Variants in OTOF observed in about 807,000 individuals in gnomAD.
The protein encoded by OTOF is fer-1-like family member 2.
OTOF carries 218 observed loss-of-function variants against 236.8 expected under a neutral mutation model. The ratio of observed to expected loss-of-function variants is 0.92; its 90% CI spans 0.82 to 1.03. The LOEUF is 1.03. Ranked by LOEUF, OTOF falls within the 50% of genes least tolerant of loss-of-function variation. The pLI, the probability that OTOF is intolerant of heterozygous loss-of-function variation, is 0.00. For missense variants in OTOF, 2,590 were observed against 2,694.4 expected (o/e 0.96, Z 0.86); for synonymous variants, 1,041 against 1,072.5 (o/e 0.97, Z 0.57).
intron 15 of OTOF, 126 bp downstream of exon 15, chr2:26,480,660 T>C: frequency 1.3e-6 from 1 of 789,408 alleles, no homozygotes; most frequent in Non-Finnish European, 2.1e-6. Flanking sequence ...GGGAGAAGCC[T>C]TATCCTGAGG....
chr2:26,468,159 C>T (rs1664822067), intron 33 of OTOF, among the ~76,000 whole-genome samples: 2 of 152,200 alleles, frequency 1.3e-5, no homozygotes, highest in African/African-American at 4.8e-5. Flanking sequence ...TCCCTTCTAG[C>T]TCTGATGTTC....
chr2:26,480,795 G>C lies in OTOF; in HGVS notation c.1794C>G (p.Pro598=). The C allele has an allele frequency of 6.2e-7, 1 of 1,612,052 alleles. No individual in the cohort carries two copies. The highest frequency in any genetic ancestry group is 8.5e-7 in the Non-Finnish European group (1 of 1,179,684). ...STEVQVEQAT[P]ISESCAGKME... ...GTGCCTGGGGTCTCACCTCCGAGAT[G>C]GGCGTGGCCTGCTCCACCTGCACCT... Residue 598 remains proline, a synonymous_variant, in exon 15 of 47, where the codon CCC becomes CCG. Coordinates refer to ENST00000272371, the MANE Select transcript of OTOF (RefSeq NM_194248.3).
intron 46 of OTOF, 119 bp from the exon 47 acceptor site, chr2:26,458,339 G>C: frequency 9.7e-7 from 1 of 1,028,268 alleles, no homozygotes; most frequent in Non-Finnish European, 1.5e-6. Context: ...CCCAAAAGCA[G>C]TGAATGCTGG....
chr2:26,496,164 A>G (rs1427409292), intron 8 of OTOF, among the ~76,000 whole-genome samples: 1 of 151,816 alleles, frequency 6.6e-6, no homozygotes, highest in African/African-American at 2.4e-5. Flanking sequence ...TTTCCTGGAA[A>G]CCTGCTGGAG....
chr2:26,507,499 G>C (rs1262165941), intron 5 of OTOF, among the ~76,000 whole-genome samples: 2 of 152,252 alleles, frequency 1.3e-5, no homozygotes, highest in African/African-American at 4.8e-5. Flanking sequence ...GAAAGACTTA[G>C]ATTTCAAAAA....
intron 1 of OTOF, among the ~76,000 whole-genome samples, chr2:26,557,443 GC>G (rs1467855359): frequency 1.3e-5 from 2 of 152,112 alleles, no homozygotes; most frequent in African/African-American, 4.8e-5. Flanking sequence ...AGTCAGCCTG[GC>G]CCTGCCTTTC....
rs1299455950 is a variant in OTOF, at chr2:26,470,761, C to T, written c.3895-40G>A. The T allele has an allele frequency of 1.9e-6, 3 of 1,605,482 alleles. No individual in the cohort carries two copies. Among genetic ancestry groups the T allele is most frequent in the Non-Finnish European group, 2.5e-6 (3 of 1,178,226 alleles). On this transcript the variant is annotated intron_variant, in intron 31 of 46. Coordinates refer to ENST00000272371, the MANE Select transcript of OTOF (RefSeq NM_194248.3). This position sits in a 1 kb window ranked among gnomAD's most constrained non-coding sequence, Gnocchi z 4.3. ...GGTCCAGAGTCCTACATGGACTCCT[C>T]CTGCCTGGACAATCCCGAGAGCCTC...
rs754998217 is a variant in OTOF, at chr2:26,503,758, G to A, written c.583+14C>T. On this transcript the variant is annotated intron_variant, in intron 6 of 46. Coordinates refer to ENST00000272371, the MANE Select transcript of OTOF (RefSeq NM_194248.3). ...AGGCGCGGGGCTGCGGGGCTCACGC[G>A]GCACCTGTCCTACCTGGTCTTTGGG... The A allele has an allele frequency of 8.7e-6, 14 of 1,611,410 alleles. No homozygotes were observed. Among genetic ancestry groups the A allele is most frequent in the Middle Eastern group, 1.7e-4 (1 of 6,026 alleles).
intron 11 of OTOF, among the ~76,000 whole-genome samples, chr2:26,487,043 C>T (rs986390487): frequency 3.9e-5 from 6 of 152,178 alleles, no homozygotes; most frequent in African/African-American, 1.4e-4. Context: ...TCCTCACCCC[C>T]AACAGAGAGT....
At chr2:26,474,223 C>G in intron 26 of OTOF, 113 bp from the exon 27 acceptor site, 6 of 1,441,126 alleles carry the variant, frequency 4.2e-6, no homozygotes, top group Non-Finnish European at 5.7e-6. Context: ...AAGGACCACG[C>G]CCCCAGCTTT....
chr2:26,519,220 C>T (rs907580128), intron 3 of OTOF, 111 bp from the exon 4 acceptor site: 1 of 763,050 alleles, frequency 1.3e-6, no homozygotes, highest in African/African-American at 1.7e-5. Flanking sequence ...TGGGCTTGCT[C>T]CAGCTCTGGG....
intron 8 of OTOF, among the ~76,000 whole-genome samples, chr2:26,496,805 T>C (rs1263173684): frequency 6.6e-6 from 1 of 151,962 alleles, no homozygotes; most frequent in Non-Finnish European, 1.5e-5. Flanking sequence ...AATGACCACA[T>C]AGCCTTGTGT....
chr2:26,479,490 C>A lies in OTOF; in HGVS notation c.2076G>T (p.Arg692=), dbSNP rs138769870. ...GGGCCCACCTGTCGGTGACCTGGGG[C>A]CGCATTGGTGGAGTGGAGGAGACTG... ...LASVSSTPPM[R]PQVTDRNYFH... The change falls in exon 17 of 47, where the codon CGG becomes CGT. Residue 692 remains arginine, a synonymous_variant. Transcript: ENST00000272371. 171 of 1,601,428 alleles carry A rather than the reference C, an allele frequency of 1.1e-4. 1 individual carries two copies. The African/African-American group carries it at 2.1e-3, about 20-fold the overall frequency.
chr2:26,491,553 T>G (rs1030349621), intron 9 of OTOF, among the ~76,000 whole-genome samples: 1 of 152,116 alleles, frequency 6.6e-6, no homozygotes, highest in Non-Finnish European at 1.5e-5. Flanking sequence ...AAGACAGAGT[T>G]GGGCTGTGCA....
At chr2:26,489,493 G>C (rs1572445149) in intron 10 of OTOF, among the ~76,000 whole-genome samples, 185 bp downstream of exon 10, 1 of 152,230 alleles carries the variant, frequency 6.6e-6, no homozygotes, top group Non-Finnish European at 1.5e-5. Context: ...GCACTATTCA[G>C]AGGCATCCAA....
chr2:26,465,547 A>T, intron 38 of OTOF, 125 bp downstream of exon 38: 2 of 1,003,106 alleles, frequency 2.0e-6, no homozygotes, highest in Non-Finnish European at 3.0e-6. Flanking sequence ...CTGTAGGGGC[A>T]GAGGCCTGGC....
Position 26,460,912 on chromosome 2 carries a change from C to T in OTOF, c.5652G>A (p.Lys1884=), listed in dbSNP as rs752959986. ...GGAGGGGCCACCAGCCTTTGACGCG[C>T]TTTTGCTTGAAGATGGACACGAGGG... is the stretch of plus-strand genomic sequence containing the variant. The part of the protein sequence containing the change: ...DVPLVSIFKQ[K]RVKGWWPLLA... The change falls in exon 44 of 47, where the codon AAG becomes AAA. Residue 1884 remains lysine (K), a synonymous_variant. Coordinates refer to ENST00000272371, the MANE Select transcript of OTOF (RefSeq NM_194248.3). The surrounding 1 kb of genome is among the most constrained non-coding windows in gnomAD (Gnocchi z 5.3). 13 of 1,614,070 alleles carry T rather than the reference C, an allele frequency of 8.1e-6. No homozygotes were observed. The highest frequency in any genetic ancestry group is 1.0e-5 in the Non-Finnish European group (12 of 1,180,040).
At position 26,477,882 on chromosome 2, in the gene OTOF, A is replaced by G. The variant is rs767839527; in HGVS notation, c.2215-133T>C. On this transcript the variant is annotated intron_variant, in intron 18 of 46. Coordinates refer to ENST00000272371, the MANE Select transcript of OTOF (RefSeq NM_194248.3). The surrounding 1 kb of genome is among the most constrained non-coding windows in gnomAD (Gnocchi z 4.7). Reference sequence around the variant, plus strand: ...AGCTCTCGCTAGGGCCATCCTGAGTATCGGTCATCATGAGGAAGTCATCAA... The same window carrying G: ...AGCTCTCGCTAGGGCCATCCTGAGTGTCGGTCATCATGAGGAAGTCATCAA... 31 of 1,546,690 alleles carry G rather than the reference A, an allele frequency of 2.0e-5. No individual in the cohort carries two copies. Among genetic ancestry groups the G allele is most frequent in the Non-Finnish European group, 8.7e-7 (1 of 1,144,460 alleles).
In OTOF at chr2:26,470,442, G is replaced by C. The variant is rs1318563288; in HGVS notation, c.4023+151C>G. ...ACCATCATCTTGGAAGGTGAGTTCT[G>C]AGCTAGGATTTCAAGGATGTGAGAC... is the stretch of plus-strand genomic sequence containing the variant. On this transcript the variant is annotated intron_variant, in intron 32 of 46. Transcript: ENST00000272371. This position sits in a 1 kb window ranked among gnomAD's most constrained non-coding sequence, Gnocchi z 4.3. The C allele has an allele frequency of 1.3e-5, 10 of 794,796 alleles. No homozygotes were observed. The highest frequency in any genetic ancestry group is 2.2e-5 in the Non-Finnish European group (10 of 463,058). 49.2% of individuals were successfully genotyped at this position (794,796 alleles called of 1,614,324 possible).
Sources: allele counts gnomAD v4.1 joint callset (sites outside exome capture counted in the v4.1 genomes callset), GRCh38; gene constraint gnomAD v4.1.1; non-coding constraint Gnocchi (gnomAD v3.1); transcripts MANE v1.5; gene names NCBI Gene and HGNC (gene_info 2026-07-23, HGNC 2026-07-21).